Variants in SLC29A4 observed in about 807,000 individuals in gnomAD.
SLC29A4 encodes equilibrative nucleoside transporter 4.
In SLC29A4, 36 loss-of-function variants were observed where a neutral mutation model predicts 43.9. The ratio of observed to expected loss-of-function variants is 0.82; its 90% CI spans 0.63 to 1.08. The LOEUF (loss-of-function observed/expected upper bound fraction) is 1.08, where lower values mean the gene tolerates loss of function less well. Ranked by LOEUF, SLC29A4 falls within the 50% of genes least tolerant of loss-of-function variation. SLC29A4 has a pLI of 0.00. For missense variants in SLC29A4, 869 were observed against 755.3 expected (o/e 1.15, Z -1.77); for synonymous variants, 491 against 338.0 (o/e 1.45, Z -4.97).
At chr7:5,294,581 GA>G (rs1159853427) in intron 5 of SLC29A4, among the ~76,000 whole-genome samples, 21 of 152,142 alleles carry the variant, frequency 1.4e-4, no homozygotes, top group Admixed American at 1.2e-3. Context: ...ATGGGAAGAA[GA>G]AAGGTTGAAA....
chr7:5,287,840 C>T lies in SLC29A4; in HGVS notation c.24C>T (p.Arg8=). Residue 8 remains arginine (R), a synonymous_variant, in exon 2 of 11, where the codon CGC becomes CGT. Coordinates refer to ENST00000396872, the MANE Select transcript of SLC29A4 (RefSeq NM_153247.4). ...CCATGGGCTCCGTGGGGAGCCAGCGCCTTGAGGAGCCCAGCGTGGCAGGCA... is the reference window on the plus strand; with the variant it reads ...CCATGGGCTCCGTGGGGAGCCAGCGTCTTGAGGAGCCCAGCGTGGCAGGCA... MGSVGSQ[R]LEEPSVAGTP... is the part of the protein sequence containing the mutation. 6.2e-7 allele frequency: 1 copy of T among 1,611,786 alleles called. No individual in the cohort carries two copies. The highest frequency in any genetic ancestry group is 8.5e-7 in the Non-Finnish European group (1 of 1,179,804).
intron 9 of SLC29A4, among the ~76,000 whole-genome samples, chr7:5,299,638 G>A (rs933545833): frequency 6.6e-6 from 1 of 152,256 alleles, no homozygotes; most frequent in Non-Finnish European, 1.5e-5. Context: ...AGTGTCAGCT[G>A]CATCTGGGAG....
chr7:5,301,720 C>G (rs1194422172), intron 10 of SLC29A4, among the ~76,000 whole-genome samples: 3 of 152,130 alleles, frequency 2.0e-5, no homozygotes, highest in Non-Finnish European at 1.5e-5. Flanking sequence ...GTTTGGACGG[C>G]AGCCCACAGG....
chr7:5,300,388 G>T, intron 9 of SLC29A4, 34 bp from the exon 10 acceptor site: 1 of 1,609,440 alleles, frequency 6.2e-7, no homozygotes. Flanking sequence ...GGCTGTGGCC[G>T]GGACAGGGCG....
In SLC29A4 at chr7:5,287,691, A is replaced by G. The variant is rs549183084; in HGVS notation, c.-8-118A>G. 35 of 1,060,214 alleles carry G rather than the reference A, an allele frequency of 3.3e-5. 1 individual carries two copies. In the African/African-American group the frequency reaches 4.6e-4, roughly 14 times the overall value. 65.7% of individuals were successfully genotyped at this position (1,060,214 alleles called of 1,614,324 possible). Reference sequence around the variant, plus strand: ...AGTGAGGCATAGCTTGCTTTGGCCAACGAGTGTGACCAAAGTGACATGTGT... The same window carrying G: ...AGTGAGGCATAGCTTGCTTTGGCCAGCGAGTGTGACCAAAGTGACATGTGT... On this transcript the variant is annotated intron_variant, in intron 1 of 10. Coordinates refer to ENST00000396872, the MANE Select transcript of SLC29A4 (RefSeq NM_153247.4).
chr7:5,289,910 C>G (rs1785197209), intron 2 of SLC29A4, among the ~76,000 whole-genome samples: 1 of 152,052 alleles, frequency 6.6e-6, no homozygotes, highest in Admixed American at 6.6e-5. Flanking sequence ...TTTTTGAAAA[C>G]AGTCTCGTGC....
chr7:5,296,129 C>A (rs1241046604), intron 6 of SLC29A4, among the ~76,000 whole-genome samples: 2 of 152,154 alleles, frequency 1.3e-5, no homozygotes, highest in South Asian at 2.1e-4. Context: ...GAACACCCGT[C>A]CCCAGGCTGC....
rs145276221 is a variant in SLC29A4 at position 5,287,902 on chromosome 7, A to G, written c.86A>G (p.Asp29Gly). 2.8e-3 allele frequency: 4,460 copies of G among 1,612,106 alleles called. 9 individuals are homozygous for G. Among genetic ancestry groups the G allele is most frequent in the Admixed American group, 3.6e-3 (215 of 60,000 alleles). The change falls in exon 2 of 11, where the codon GAC becomes GGC. Residue 29 changes from aspartate (D) to glycine (G), a missense_variant. Asp to Gly is a moderately conservative substitution (Grantham distance 94). Transcript: ENST00000396872. ...DPGVVMSFTF[D>G]SHQLEEAAEA... is the part of the protein sequence containing the mutation. ...GGCGTAGTGATGAGCTTCACCTTCG[A>G]CAGTCACCAGCTGGAGGAGGCGGCG...
rs12539249 is a variant in SLC29A4 at position 5,303,143 on chromosome 7, G to A, written c.*204G>A. ...TCCGAGGACCGGAACACGTTTCTGC[G>A]ACCCGGGGCTCTGGCCAGCACTGTG... On this transcript the variant is annotated 3_prime_UTR_variant, in exon 11 of 11. Transcript: ENST00000396872. The A allele has an allele frequency of 0.046, 29,233 of 636,514 alleles. 912 individuals are homozygous for A. The highest frequency in any genetic ancestry group is 0.1 in the East Asian group (3,690 of 36,252). The allele number at this position is 636,514 out of a possible 1,614,324, so 39.4% of individuals were successfully genotyped here. A position where few individuals can be genotyped will look rare whatever the true frequency, so the allele number is the denominator to read the frequency against.
intron 7 of SLC29A4, among the ~76,000 whole-genome samples, chr7:5,298,576 G>C (rs1279399082): frequency 6.6e-6 from 1 of 152,144 alleles, no homozygotes; most frequent in Non-Finnish European, 1.5e-5. Flanking sequence ...AGGATCGCTT[G>C]AGCCCAAGAG....
rs1213186974 is a variant in SLC29A4 at position 5,303,067 on chromosome 7, T to C, written c.*128T>C. On this transcript the variant is annotated 3_prime_UTR_variant, in exon 11 of 11. Coordinates refer to ENST00000396872, the MANE Select transcript of SLC29A4 (RefSeq NM_153247.4). ...CCTCCCCCTGTGCCAGCAGCCCCAC[T>C]CCCTCAGGGTCCAGCCATGCCCCAC... The C allele has an allele frequency of 4.5e-5, 50 of 1,115,674 alleles. 1 individual carries two copies. The highest frequency in any genetic ancestry group is 5.9e-5 in the Non-Finnish European group (47 of 793,470). The allele number at this position is 1,115,674 out of a possible 1,614,324, so 69.1% of individuals were successfully genotyped here. A position where few individuals can be genotyped will look rare whatever the true frequency, so the allele number is the denominator to read the frequency against.
chr7:5,297,066 G>T lies in SLC29A4; in HGVS notation c.750G>T (p.Leu250=), dbSNP rs771451814. Residue 250 remains leucine (L), a synonymous_variant, in exon 7 of 11, where the codon CTG becomes CTT. Coordinates refer to ENST00000396872, the MANE Select transcript of SLC29A4 (RefSeq NM_153247.4). ...ALELLCFLLH[L]LVRRSRFVLF... ...AGCTGCTGTGTTTCCTGCTGCACCT[G>T]TTAGTGCGGCGCAGCCGCTTCGTGC... 3.1e-6 allele frequency: 5 copies of T among 1,608,024 alleles called. No homozygotes were observed. The highest frequency in any genetic ancestry group is 4.2e-6 in the Non-Finnish European group (5 of 1,179,800).
chr7:5,291,360 G>T, intron 4 of SLC29A4, 123 bp downstream of exon 4: 1 of 970,458 alleles, frequency 1.0e-6, no homozygotes, highest in Non-Finnish European at 1.5e-6. Context: ...ACACTTCCTA[G>T]GGCTGCCCTG....
chr7:5,301,241 C>T (rs1786138385), intron 10 of SLC29A4, among the ~76,000 whole-genome samples: 2 of 144,396 alleles, frequency 1.4e-5, no homozygotes, highest in South Asian at 4.5e-4. Context: ...GCCTGGGTGA[C>T]AGAGCAAGAT....
At chr7:5,283,350 G>T (rs1351956752) in intron 1 of SLC29A4, among the ~76,000 whole-genome samples, 1 of 141,116 alleles carries the variant, frequency 7.1e-6, no homozygotes, top group East Asian at 2.2e-4. Context: ...CACCGCGCGG[G>T]GGTCCTCCCG....
At chr7:5,286,074 G>C (rs1399536978) in intron 1 of SLC29A4, among the ~76,000 whole-genome samples, 5 of 152,090 alleles carry the variant, frequency 3.3e-5, no homozygotes, top group African/African-American at 1.2e-4. Context: ...CATGGGGTGG[G>C]CTTCTTCCAG....
At chr7:5,283,546 A>T (rs1162837875) in intron 1 of SLC29A4, among the ~76,000 whole-genome samples, 3 of 152,070 alleles carry the variant, frequency 2.0e-5, no homozygotes, top group Admixed American at 6.5e-5. Flanking sequence ...TTTGCGGCTG[A>T]TGAGGCCGGA....
In SLC29A4 at chr7:5,306,206, T is replaced by G. The variant is rs1471721290; in HGVS notation, c.*3267T>G. 3 of 143,396 alleles carry G rather than the reference T, an allele frequency of 2.1e-5. No individual in the cohort carries two copies. The highest frequency in any genetic ancestry group is 4.6e-5 in the Non-Finnish European group (3 of 65,668). The allele number at this position is 143,396 out of a possible 1,614,324, so 8.9% of individuals were successfully genotyped here. A position where few individuals can be genotyped will look rare whatever the true frequency, so the allele number is the denominator to read the frequency against. On this transcript the variant is annotated 3_prime_UTR_variant, in exon 11 of 11. Transcript: ENST00000396872. ...TGTTCAATTTCTTTTTTTTTTTTTT[T>G]TTTTTTTTTTGAGACAATCTCTGTC...
At chr7:5,294,788 C>T in intron 5 of SLC29A4, 72 bp from the exon 6 acceptor site, 2 of 1,496,644 alleles carry the variant, frequency 1.3e-6, no homozygotes, top group Non-Finnish European at 1.9e-6. Flanking sequence ...CAACACAGTT[C>T]TCTAGTGCAT....
Sources: allele counts gnomAD v4.1 joint callset (sites outside exome capture counted in the v4.1 genomes callset), GRCh38; gene constraint gnomAD v4.1.1; transcripts MANE v1.5; gene names NCBI Gene and HGNC (gene_info 2026-07-23, HGNC 2026-07-21).